The following ADAM10 variants were observed in gnomAD, a reference collection of about 807,000 sequenced individuals.
ADAM10 encodes the protein ADAM metallopeptidase domain 10.
Under a neutral mutation model 90.1 loss-of-function variants are expected in ADAM10, and 17 were observed. The ratio of observed to expected loss-of-function variants is 0.19; its 90% confidence interval spans 0.13 to 0.28. The LOEUF is 0.28. Ranked by LOEUF, ADAM10 falls within the 10% of genes least tolerant of loss-of-function variation. The pLI, the probability that ADAM10 is intolerant of heterozygous loss-of-function variation, is 1.00. For synonymous variants in ADAM10, 310 were observed against 298.6 expected, an observed-to-expected ratio of 1.04 and a Z score of -0.40; for missense variants, 610 against 914.3, an observed-to-expected ratio of 0.67 and a Z score of 4.29.
At chr15:58,663,359 C>T (rs1214453948) in intron 5 of ADAM10, among the ~76,000 whole-genome samples, 6 of 152,208 alleles carry the variant, frequency 3.9e-5, no homozygotes, top group African/African-American at 1.4e-4. Context: ...ATCTCTACCA[C>T]ATAACAAAGT....
intron 1 of ADAM10, among the ~76,000 whole-genome samples, chr15:58,743,782 T>C (rs530683708): frequency 1.3e-5 from 2 of 152,250 alleles, no homozygotes; most frequent in African/African-American, 4.8e-5. Context: ...TTTTTTGTAT[T>C]TTTAGTAGAG....
rs1897299241 is a variant in ADAM10, at chr15:58,676,169, T to C, written c.484+2955A>G. 4 of 391,442 alleles carry C rather than the reference T, an allele frequency of 1.0e-5. No homozygotes were observed. In the Admixed American group the frequency reaches 1.4e-4, roughly 13 times the overall value. 24.2% of individuals were successfully genotyped at this position (391,442 alleles called of 1,614,324 possible). On this transcript the variant is annotated intron_variant, in intron 4 of 15. Transcript: ENST00000260408. ...GATTTCAGAAAAGCCCCAGAAATCC[T>C]TGAAGTAAAGGCAGTGAGAATTTAC... is the stretch of plus-strand genomic sequence containing the variant.
chr15:58,686,594 C>G (rs1227918922), intron 2 of ADAM10: 4 of 1,084,916 alleles, frequency 3.7e-6, no homozygotes, highest in African/African-American at 1.5e-5. Context: ...CTTCTGGGAA[C>G]CCAGATCCTG....
chr15:58,688,096 A>G (rs761014853), intron 2 of ADAM10, among the ~76,000 whole-genome samples: 3 of 152,238 alleles, frequency 2.0e-5, no homozygotes. Context: ...CATTGTACCA[A>G]TATCAATCTT....
chr15:58,598,359 T>C (rs1895013423), intron 15 of ADAM10, among the ~76,000 whole-genome samples: 1 of 152,204 alleles, frequency 6.6e-6, no homozygotes, highest in South Asian at 2.1e-4. Context: ...CTTCCTTAAA[T>C]ACTAACATAA....
intron 1 of ADAM10, chr15:58,748,984 C>T: frequency 2.5e-6 from 1 of 399,262 alleles, no homozygotes; most frequent in South Asian, 1.3e-4. Flanking sequence ...CACGAGTCTG[C>T]GCGGCGGGTC....
chr15:58,609,976 A>C (rs1369014669), intron 14 of ADAM10: 4 of 301,982 alleles, frequency 1.3e-5, no homozygotes, highest in East Asian at 7.5e-5. Context: ...AAAACAACAA[A>C]AAAAAATGTT....
At chr15:58,628,790 C>T (rs1346828124) in intron 9 of ADAM10, among the ~76,000 whole-genome samples, 1 of 152,192 alleles carries the variant, frequency 6.6e-6, no homozygotes, top group African/African-American at 2.4e-5. Flanking sequence ...TACCCAACAA[C>T]CCCACTCTCA....
At chr15:58,606,372 GTAAGA>G (rs1408391024) in intron 14 of ADAM10, among the ~76,000 whole-genome samples, 2 of 152,190 alleles carry the variant, frequency 1.3e-5, no homozygotes, top group Non-Finnish European at 2.9e-5. Context: ...ACCTGGGCAA[GTAAGA>G]TAAAATACCA....
chr15:58,645,706 C>T (rs1417246307), intron 6 of ADAM10, among the ~76,000 whole-genome samples: 1 of 152,110 alleles, frequency 6.6e-6, no homozygotes, highest in African/African-American at 2.4e-5. Flanking sequence ...GAAAGTGCTA[C>T]ATACAATAAA....
chr15:58,721,311 A>G (rs1052545223), intron 1 of ADAM10, among the ~76,000 whole-genome samples: 4 of 152,192 alleles, frequency 2.6e-5, no homozygotes, highest in African/African-American at 7.2e-5. Flanking sequence ...GGAAAGCTAA[A>G]AACACTTCCC....
At chr15:58,699,889 C>T (rs1377092812) in intron 2 of ADAM10, among the ~76,000 whole-genome samples, 2 of 152,098 alleles carry the variant, frequency 1.3e-5, no homozygotes, top group African/African-American at 4.8e-5. Context: ...TGAAACTTTC[C>T]ACTTAAAAGA....
intron 2 of ADAM10, among the ~76,000 whole-genome samples, chr15:58,690,710 G>C (rs1231994722): frequency 6.6e-6 from 1 of 151,986 alleles, no homozygotes; most frequent in Non-Finnish European, 1.5e-5. Context: ...CTATGCAAGG[G>C]CACAAGGTTT....
chr15:58,657,531 CTTGA>C (rs1238922122), intron 5 of ADAM10, among the ~76,000 whole-genome samples: 47 of 152,292 alleles, frequency 3.1e-4, no homozygotes, highest in African/African-American at 1.1e-3. Flanking sequence ...AGAATTTCTG[CTTGA>C]TTCTTTTTAA....
rs111390865 is a variant in ADAM10 at position 58,704,980 on chromosome 15, A to G, written c.206+12597T>C. Among the ~76,000 whole-genome samples the G allele has an allele frequency of 3.6e-3, 542 of 152,340 alleles. 5 individuals are homozygous for G. Among genetic ancestry groups the G allele is most frequent in the African/African-American group, 0.013 (521 of 41,574 alleles). ...GTTGTAGTAGTCTTAAAGTAACATC[A>G]TTAGTCTCCAGCAAGTCTTTGAAAA... On this transcript the variant is annotated intron_variant, in intron 2 of 15. Coordinates refer to ENST00000260408, the MANE Select transcript of ADAM10 (RefSeq NM_001110.4).
intron 10 of ADAM10, 68 bp downstream of exon 10, chr15:58,627,632 T>C (rs559467096): frequency 7.7e-6 from 11 of 1,419,822 alleles, no homozygotes; most frequent in African/African-American, 4.2e-5. Context: ...GTAATCACTA[T>C]AGAATTCTTT....
chr15:58,696,547 C>T (rs1897986029), intron 2 of ADAM10, among the ~76,000 whole-genome samples: 1 of 151,380 alleles, frequency 6.6e-6, no homozygotes, highest in African/African-American at 2.4e-5. Context: ...CTCACCGCAA[C>T]CTCCGCCTCC....
Position 58,646,194 on chromosome 15 carries a change from T to A in ADAM10, c.596A>T (p.Glu199Val), listed in dbSNP as rs561057412. ...GVEEVTQIPQ[E>V]EHAANGPELL... ...TTCTGGACCATTAGCAGCATGTTCT[T>A]CTTGAGGTATCTATACATCAAAAAG... The change falls in exon 6 of 16, where the codon GAA (glutamate) becomes GTA (valine). Residue 199 changes from glutamate to valine, a missense_variant. Coordinates refer to ENST00000260408, the MANE Select transcript of ADAM10 (RefSeq NM_001110.4). 2 of 1,612,642 alleles carry A rather than the reference T, an allele frequency of 1.2e-6. No individual in the cohort carries two copies. The highest frequency in any genetic ancestry group is 2.2e-5 in the South Asian group (2 of 91,046).
intron 5 of ADAM10, among the ~76,000 whole-genome samples, chr15:58,652,670 G>A (rs1462158552): frequency 6.6e-6 from 1 of 152,152 alleles, no homozygotes; most frequent in Non-Finnish European, 1.5e-5. Flanking sequence ...CAGGTAATAT[G>A]ATTCCTCCAA....
Sources: gnomAD v4.1 joint callset for allele counts (sites outside exome capture counted in the v4.1 genomes callset) on GRCh38, gnomAD v4.1.1 for gene constraint, MANE v1.5 for transcripts, NCBI Gene and HGNC (gene_info 2026-07-23, HGNC 2026-07-21) for gene names.